HS3ST4: variants seen among roughly 807,000 people sequenced by gnomAD.
HS3ST4 encodes the protein heparan sulfate-glucosamine 3-sulfotransferase 4, also known as heparan sulfate glucosamine 3-O-sulfotransferase 4.
In HS3ST4, 17 loss-of-function variants were observed where a neutral mutation model predicts 29.2. That is an observed-to-expected ratio of 0.58 (90% CI 0.40 to 0.87). The LOEUF (loss-of-function observed/expected upper bound fraction) is 0.87. HS3ST4 is among the 40% of genes least tolerant of loss of function. The pLI is 0.00. For missense variants in HS3ST4, 627 were observed against 634.5 expected, an observed-to-expected ratio of 0.99 and a Z score of 0.13; for synonymous variants, 314 against 285.7, an observed-to-expected ratio of 1.10 and a Z score of -1.00.
chr16:26,059,831 G>A (rs1898454325), intron 1 of HS3ST4, among the ~76,000 whole-genome samples: 3 of 152,070 alleles, frequency 2.0e-5, no homozygotes. Context: ...AGGCTGGCAT[G>A]CAGTGGCACA....
chr16:26,107,058 T>C (rs964820208), intron 1 of HS3ST4, among the ~76,000 whole-genome samples: 2 of 152,070 alleles, frequency 1.3e-5, no homozygotes, highest in African/African-American at 4.8e-5. Context: ...TCTGAGGGGT[T>C]AGTTATTCTC....
intron 1 of HS3ST4, among the ~76,000 whole-genome samples, chr16:25,805,697 A>T (rs997113306): frequency 3.9e-5 from 6 of 151,966 alleles, no homozygotes; most frequent in Non-Finnish European, 2.9e-5. Context: ...ACTTCTTTTT[A>T]AAAATTTTTT....
Position 25,824,213 on chromosome 16 carries a change from T to TAGAGA in HS3ST4, c.734+131063_734+131064insGAGAA, listed in dbSNP as rs776674037. Among the ~76,000 whole-genome samples the TAGAGA allele has an allele frequency of 2.5e-3, 380 of 152,298 alleles. 1 individual carries two copies. The highest frequency in any genetic ancestry group is 6.8e-3 in the Middle Eastern group (2 of 294). On this transcript the variant is annotated intron_variant, in intron 1 of 1. Coordinates refer to ENST00000331351, the MANE Select transcript of HS3ST4 (RefSeq NM_006040.3). Reference sequence around the variant, plus strand: ...AGGCCTGGCTCAGACAGACTCAGGATACCTCCAGGGAGAACCAAGACCTGG... The same window carrying TAGAGA: ...AGGCCTGGCTCAGACAGACTCAGGATAGAGAACCTCCAGGGAGAACCAAGACCTGG...
chr16:25,713,509 C>A (rs989329983), intron 1 of HS3ST4, among the ~76,000 whole-genome samples: 37 of 150,046 alleles, frequency 2.5e-4, no homozygotes, highest in African/African-American at 9.1e-4. Context: ...GCCTGGGTGA[C>A]AAGGCAAGAC....
At chr16:26,066,222 G>A (rs1254269878) in intron 1 of HS3ST4, among the ~76,000 whole-genome samples, 1 of 152,192 alleles carries the variant, frequency 6.6e-6, no homozygotes, top group Non-Finnish European at 1.5e-5. Context: ...ATGGTTAAGA[G>A]TTTTACAAAC....
intron 1 of HS3ST4, among the ~76,000 whole-genome samples, chr16:25,799,526 C>A (rs903262488): frequency 1.3e-5 from 2 of 152,048 alleles, no homozygotes; most frequent in African/African-American, 4.8e-5. Context: ...TCTCTGTGAA[C>A]CATCATCAAC....
chr16:26,042,571 A>T, intron 1 of HS3ST4, among the ~76,000 whole-genome samples: 1 of 152,234 alleles, frequency 6.6e-6, no homozygotes, highest in Non-Finnish European at 1.5e-5. Context: ...TTAGGATTAC[A>T]TCCAAATGCA....
At chr16:25,921,112 G>C (rs1968347422) in intron 1 of HS3ST4, among the ~76,000 whole-genome samples, 1 of 152,156 alleles carries the variant, frequency 6.6e-6, no homozygotes, top group Non-Finnish European at 1.5e-5. Context: ...TGAGAGCAGA[G>C]GTCTTTGTTT....
chr16:25,731,188 A>G (rs563639979), intron 1 of HS3ST4, among the ~76,000 whole-genome samples: 1 of 152,166 alleles, frequency 6.6e-6, no homozygotes, highest in Non-Finnish European at 1.5e-5. Context: ...GATCTTAGCT[A>G]TCAGTCTTCA....
At chr16:25,965,055 C>T (rs4570850) in intron 1 of HS3ST4, among the ~76,000 whole-genome samples, 29,833 of 151,980 alleles carry the variant, frequency 0.2, 3,116 homozygotes, top group Middle Eastern at 0.25. Flanking sequence ...CATGTTCACG[C>T]GAGACATTGT....
At chr16:25,844,645 G>A (rs543099849) in intron 1 of HS3ST4, among the ~76,000 whole-genome samples, 14 of 152,246 alleles carry the variant, frequency 9.2e-5, no homozygotes, top group African/African-American at 2.4e-4. Flanking sequence ...ACGGTGTGGC[G>A]ATTCCTCAAA....
At position 25,869,715 on chromosome 16, in the gene HS3ST4, T is replaced by C. The variant is rs543624580; in HGVS notation, c.734+176564T>C. Among the ~76,000 whole-genome samples the C allele has an allele frequency of 2.6e-5, 4 of 152,234 alleles. No homozygotes were observed. The East Asian group carries it at 7.7e-4, about 29-fold the overall frequency. On this transcript the variant is annotated intron_variant, in intron 1 of 1. Coordinates refer to ENST00000331351, the MANE Select transcript of HS3ST4 (RefSeq NM_006040.3). ...TCATATGATCCTCCCAGAAACTCTA[T>C]CAGTAGGTGGTGATATTAACCAGAT...
intron 1 of HS3ST4, among the ~76,000 whole-genome samples, chr16:26,049,470 C>CTGTGTGTGTGTGTGTGTG (rs113562359): frequency 1.4e-5 from 2 of 145,080 alleles, no homozygotes; most frequent in African/African-American, 2.6e-5. Flanking sequence ...ATGCGTGCCT[C>CTGTGTGTGTGTGTGTGTG]TGTGTGTGTG....
At position 26,136,381 on chromosome 16, in the gene HS3ST4, T is replaced by C. The variant is rs1325233124; in HGVS notation, c.*133T>C. 2.3e-6 allele frequency: 2 copies of C among 856,716 alleles called. No individual in the cohort carries two copies. The highest frequency in any genetic ancestry group is 5.3e-5 in the East Asian group (2 of 37,580). The allele number at this position is 856,716 out of a possible 1,614,324, so 53.1% of individuals were successfully genotyped here. A position where few individuals can be genotyped will look rare whatever the true frequency, so the allele number is the denominator to read the frequency against. On this transcript the variant is annotated 3_prime_UTR_variant, in exon 2 of 2. Coordinates refer to ENST00000331351, the MANE Select transcript of HS3ST4 (RefSeq NM_006040.3). Reference sequence around the variant, plus strand: ...CTCCTCCTCCTTCATGCAGCCAGGATTGCCTCCAGTGCTGTTAGCTTAGGC... The same window carrying C: ...CTCCTCCTCCTTCATGCAGCCAGGACTGCCTCCAGTGCTGTTAGCTTAGGC...
Position 25,804,790 on chromosome 16 carries a change from GC to G in HS3ST4, c.734+111641del, listed in dbSNP as rs1966974074. Among the ~76,000 whole-genome samples, 3 of 152,192 alleles carry G rather than the reference GC, an allele frequency of 2.0e-5. No individual in the cohort carries two copies. In the South Asian group the frequency reaches 6.2e-4, roughly 32 times the overall value. On this transcript the variant is annotated intron_variant, in intron 1 of 1. Coordinates refer to ENST00000331351, the MANE Select transcript of HS3ST4 (RefSeq NM_006040.3). ...CCTGTCCTCCCTTAGGCCATTGGGA[GC>G]CTTATCTCAGACCTTGTAAGACTAT...
chr16:25,851,441 C>G (rs758582830), intron 1 of HS3ST4, among the ~76,000 whole-genome samples: 1 of 152,140 alleles, frequency 6.6e-6, no homozygotes, highest in Non-Finnish European at 1.5e-5. Flanking sequence ...GCCATCTTCC[C>G]AAGTCTTCAT....
intron 1 of HS3ST4, chr16:25,824,887 C>T (rs1000220882): frequency 6.6e-6 from 1 of 152,192 alleles, no homozygotes; most frequent in African/African-American, 2.4e-5. Context: ...GTGTTATGGG[C>T]AGAATTATGC....
At chr16:25,820,382 C>T (rs1233126417) in intron 1 of HS3ST4, among the ~76,000 whole-genome samples, 2 of 152,060 alleles carry the variant, frequency 1.3e-5, no homozygotes, top group Non-Finnish European at 2.9e-5. Flanking sequence ...TGACATGAAA[C>T]ATTTTTACTA....
chr16:25,861,523 T>A (rs1478611910), intron 1 of HS3ST4, among the ~76,000 whole-genome samples: 2 of 152,208 alleles, frequency 1.3e-5, no homozygotes, highest in African/African-American at 4.8e-5. Context: ...TATTCTAAAC[T>A]TTTTTGTTGT....
Sources: gnomAD v4.1 joint callset for allele counts (sites outside exome capture counted in the v4.1 genomes callset) on GRCh38, gnomAD v4.1.1 for gene constraint, MANE v1.5 for transcripts, NCBI Gene and HGNC (gene_info 2026-07-23, HGNC 2026-07-21) for gene names.